Variants in CDH12 observed in about 807,000 individuals in gnomAD.
The protein encoded by CDH12 is cadherin 12, also known as cadherin-12.
CDH12 carries 41 observed loss-of-function variants against 74.1 expected under a neutral mutation model. The observed-to-expected ratio is 0.55, with a 90% CI of 0.43 to 0.72. CDH12 has a LOEUF of 0.72. Ranked by LOEUF, CDH12 falls within the 30% of genes least tolerant of loss-of-function variation. The pLI is 0.00. For missense variants in CDH12, 945 were observed against 977.2 expected (o/e 0.97, Z 0.44); for synonymous variants, 399 against 355.0 (o/e 1.12, Z -1.39).
intron 1 of CDH12, among the ~76,000 whole-genome samples, chr5:22,549,578 C>G (rs1444965697): frequency 6.6e-6 from 1 of 152,082 alleles, no homozygotes; most frequent in African/African-American, 2.4e-5. Context: ...TGGCCTGCCT[C>G]TCAGTGGAGA....
chr5:22,684,214 C>T (rs1011218143), intron 1 of CDH12, among the ~76,000 whole-genome samples: 14 of 152,046 alleles, frequency 9.2e-5, no homozygotes, highest in Non-Finnish European at 1.8e-4. Flanking sequence ...ATGGGACACA[C>T]GAGACATTTT....
chr5:21,978,780 GT>G (rs1267370960), intron 5 of CDH12, among the ~76,000 whole-genome samples: 4 of 152,062 alleles, frequency 2.6e-5, no homozygotes, highest in African/African-American at 9.7e-5. Flanking sequence ...GTGTTTATGT[GT>G]TTTCTGGGGT....
At chr5:22,404,860 T>C (rs193079422) in intron 3 of CDH12, among the ~76,000 whole-genome samples, 17 of 152,342 alleles carry the variant, frequency 1.1e-4, no homozygotes, top group Admixed American at 1.1e-3. Flanking sequence ...TGAGAATTTA[T>C]CTATGAGGAA....
chr5:22,444,329 A>C (rs1744737173), intron 2 of CDH12, among the ~76,000 whole-genome samples: 1 of 152,056 alleles, frequency 6.6e-6, no homozygotes, highest in South Asian at 2.1e-4. Context: ...ATTAATTCTC[A>C]TAGGAAAAAT....
intron 3 of CDH12, among the ~76,000 whole-genome samples, chr5:22,262,824 G>T (rs1302310360): frequency 6.6e-6 from 1 of 151,944 alleles, no homozygotes; most frequent in African/African-American, 2.4e-5. Context: ...GGTGTGAGAT[G>T]GTATCTCATA....
chr5:22,785,777 C>G (rs755944824), intron 1 of CDH12, among the ~76,000 whole-genome samples: 105 of 152,098 alleles, frequency 6.9e-4, no homozygotes, highest in Non-Finnish European at 1.4e-3. Flanking sequence ...CTCAGCCTCC[C>G]AAAGTTCTGG....
chr5:22,833,316 C>A (rs1368258463), intron 1 of CDH12, among the ~76,000 whole-genome samples: 1 of 152,140 alleles, frequency 6.6e-6, no homozygotes, highest in Non-Finnish European at 1.5e-5. Context: ...TGATCATATT[C>A]TCTACAGGCC....
chr5:21,842,465 A>C, intron 7 of CDH12, 137 bp from the exon 8 acceptor site: 1 of 588,414 alleles, frequency 1.7e-6, no homozygotes, highest in South Asian at 2.6e-5. Flanking sequence ...TATCTTTTAA[A>C]AAGTGAGACA....
intron 6 of CDH12, among the ~76,000 whole-genome samples, chr5:21,914,645 C>A (rs1249171594): frequency 6.6e-6 from 1 of 151,998 alleles, no homozygotes; most frequent in Admixed American, 6.6e-5. Context: ...AGTTTTCAGG[C>A]CAATTTTCTT....
At chr5:21,918,398 C>T (rs1345830517) in intron 6 of CDH12, among the ~76,000 whole-genome samples, 1 of 151,680 alleles carries the variant, frequency 6.6e-6, no homozygotes, top group East Asian at 1.9e-4. Flanking sequence ...TTCAGCAAAG[C>T]ATTTGTATTG....
intron 3 of CDH12, among the ~76,000 whole-genome samples, chr5:22,263,163 C>G (rs1025937266): frequency 4.6e-5 from 7 of 152,040 alleles, no homozygotes; most frequent in African/African-American, 1.7e-4. Context: ...AATGTAAATA[C>G]ACAATCAAAT....
chr5:22,797,841 T>C (rs942380733), intron 1 of CDH12, among the ~76,000 whole-genome samples: 1 of 152,204 alleles, frequency 6.6e-6, no homozygotes, highest in African/African-American at 2.4e-5. Flanking sequence ...TTAGAAAATG[T>C]GGGTTTATAT....
At chr5:22,817,396 A>G (rs1264196840) in intron 1 of CDH12, among the ~76,000 whole-genome samples, 7 of 152,252 alleles carry the variant, frequency 4.6e-5, no homozygotes, top group African/African-American at 1.7e-4. Context: ...CAAACTAAAA[A>G]TTTCAATAAT....
At chr5:22,493,646 T>A (rs1746982494) in intron 2 of CDH12, among the ~76,000 whole-genome samples, 1 of 151,982 alleles carries the variant, frequency 6.6e-6, no homozygotes, top group Admixed American at 6.6e-5. Context: ...TTGGGTAAAA[T>A]TTTTCCAGGT....
intron 5 of CDH12, among the ~76,000 whole-genome samples, chr5:21,994,457 G>T (rs574255341): frequency 6.6e-4 from 100 of 151,986 alleles, no homozygotes; most frequent in African/African-American, 2.3e-3. Flanking sequence ...AACAATATTC[G>T]GCCTAAGTGA....
At chr5:22,177,484 A>C (rs962447220) in intron 4 of CDH12, among the ~76,000 whole-genome samples, 4 of 152,192 alleles carry the variant, frequency 2.6e-5, no homozygotes, top group African/African-American at 9.6e-5. Context: ...AACTTAAAAA[A>C]TTTCACAAAT....
chr5:22,760,678 CAAA>C (rs11284255), intron 1 of CDH12, among the ~76,000 whole-genome samples: 169 of 63,442 alleles, frequency 2.7e-3, no homozygotes, highest in African/African-American at 0.01. Flanking sequence ...GACTCCGTCT[CAAA>C]AAAAAAAAAA....
chr5:22,394,918 C>T (rs1032827260), intron 3 of CDH12, among the ~76,000 whole-genome samples: 3 of 152,026 alleles, frequency 2.0e-5, no homozygotes, highest in African/African-American at 7.2e-5. Flanking sequence ...TTTAGACTTC[C>T]AAGTATGCCG....
intron 1 of CDH12, among the ~76,000 whole-genome samples, chr5:22,749,824 C>A (rs540011703): frequency 6.6e-6 from 1 of 152,192 alleles, no homozygotes; most frequent in African/African-American, 2.4e-5. Context: ...AACCTGCATG[C>A]GTCCTACTGT....
Sources: allele counts gnomAD v4.1 joint callset (sites outside exome capture counted in the v4.1 genomes callset), GRCh38; gene constraint gnomAD v4.1.1; transcripts MANE v1.5; gene names NCBI Gene and HGNC (gene_info 2026-07-23, HGNC 2026-07-21).